SLC9A1: variants seen among roughly 807,000 people sequenced by gnomAD.
SLC9A1 encodes the protein solute carrier family 9 member A1, also known as sodium/hydrogen exchanger 1.
SLC9A1 carries 22 observed loss-of-function variants against 67.9 expected under a neutral mutation model. That is an observed-to-expected ratio of 0.32 (90% CI 0.23 to 0.46). The LOEUF is 0.46. SLC9A1 is among the 20% of genes least tolerant of loss of function. The probability of loss-of-function intolerance (pLI) is 1.00; values close to 1 mark genes in which losing one functional copy is unlikely to be tolerated. For missense variants in SLC9A1, 686 were observed against 1,094.8 expected, an observed-to-expected ratio of 0.63 and a Z score of 5.27; for synonymous variants, 421 against 471.8, an observed-to-expected ratio of 0.89 and a Z score of 1.40.
chr1:27,133,107 G>A (rs975193147), intron 1 of SLC9A1, among the ~76,000 whole-genome samples: 6 of 150,556 alleles, frequency 4.0e-5, no homozygotes, highest in African/African-American at 1.5e-4. Context: ...TCACTCTCTT[G>A]CCCAGGCTGG....
At chr1:27,132,685 A>C (rs1274009694) in intron 1 of SLC9A1, among the ~76,000 whole-genome samples, 1 of 152,154 alleles carries the variant, frequency 6.6e-6, no homozygotes, top group Non-Finnish European at 1.5e-5. Flanking sequence ...ACTTTTTCTC[A>C]TCACTGTTCA....
chr1:27,109,407 C>T lies in SLC9A1; in HGVS notation c.1064+120G>A. 9.1e-7 allele frequency: 1 copy of T among 1,101,462 alleles called. No homozygotes were observed. Among genetic ancestry groups the T allele is most frequent in the South Asian group, 1.4e-5 (1 of 72,348 alleles). The allele number at this position is 1,101,462 out of a possible 1,614,324, so 68.2% of individuals were successfully genotyped here. The stretch of plus-strand genomic sequence containing the variant: ...GGTCTGGAGCCTGGAGTTCATGTCT[C>T]ATCCCTGGAGCTCAAGGCTGGGCCC... On this transcript the variant is annotated intron_variant, in intron 3 of 11. Transcript: ENST00000263980. The surrounding 1 kb of genome is among the most constrained non-coding windows in gnomAD (Gnocchi z 5.5).
chr1:27,146,261 C>T (rs1405334024), intron 1 of SLC9A1, among the ~76,000 whole-genome samples: 1 of 152,162 alleles, frequency 6.6e-6, no homozygotes, highest in Admixed American at 6.5e-5. Flanking sequence ...CTGGCATTCC[C>T]AGAGACAGCC....
chr1:27,125,961 C>T (rs1278083390), intron 1 of SLC9A1, among the ~76,000 whole-genome samples: 1 of 152,098 alleles, frequency 6.6e-6, no homozygotes, highest in Admixed American at 6.5e-5. Flanking sequence ...CCGCGTCTTT[C>T]CACCACACCT....
intron 1 of SLC9A1, among the ~76,000 whole-genome samples, chr1:27,132,663 A>G (rs572234312): frequency 6.6e-6 from 1 of 152,282 alleles, no homozygotes; most frequent in Non-Finnish European, 1.5e-5. Flanking sequence ...TGCCTCCTAC[A>G]ATTAGAGCAG....
At chr1:27,150,923 G>A (rs1010400767) in intron 1 of SLC9A1, among the ~76,000 whole-genome samples, 4 of 152,112 alleles carry the variant, frequency 2.6e-5, no homozygotes, top group Non-Finnish European at 4.4e-5. Context: ...GGGCTCCAAC[G>A]GAACTCCTAC....
intron 7 of SLC9A1, 27 bp from the exon 8 acceptor site, chr1:27,102,585 G>A (rs995911864): frequency 2.5e-6 from 4 of 1,609,226 alleles, no homozygotes; most frequent in South Asian, 1.1e-5. Flanking sequence ...GGAGACGGAT[G>A]GCGCCAGCTT....
chr1:27,148,944 C>T (rs2083507088), intron 1 of SLC9A1, among the ~76,000 whole-genome samples: 1 of 152,222 alleles, frequency 6.6e-6, no homozygotes, highest in Admixed American at 6.5e-5. Flanking sequence ...AGGGAAGAAG[C>T]AAGCTCTGGT....
At chr1:27,147,299 C>CAAAAAAAAAAAAAAAAAAAAAAAA (rs57583944) in intron 1 of SLC9A1, among the ~76,000 whole-genome samples, 1 of 43,958 alleles carries the variant, frequency 2.3e-5, no homozygotes, top group Non-Finnish European at 4.0e-5. Context: ...GACTCTGTCT[C>CAAAAAAAAAAAAAAAAAAAAAAAA]AAAAAAAAAA....
rs112653958 is a variant in SLC9A1, at chr1:27,116,972, C to T, written c.353-2686G>A. 1.4e-4 allele frequency among the ~76,000 whole-genome samples: 21 copies of T among 152,296 alleles called. 4 individuals carry two copies. The highest frequency in any genetic ancestry group is 5.1e-4 in the African/African-American group (21 of 41,554). On this transcript the variant is annotated intron_variant, in intron 1 of 11. Coordinates refer to ENST00000263980, the MANE Select transcript of SLC9A1 (RefSeq NM_003047.5). ...CTGACACCATATCCTCTGCCTGCCT[C>T]CTCCTTCAGGAAGCATTCCCTGACC...
intron 1 of SLC9A1, 64 bp downstream of exon 1, chr1:27,153,919 C>T: frequency 1.8e-6 from 2 of 1,101,826 alleles, no homozygotes; most frequent in Non-Finnish European, 2.6e-6. Flanking sequence ...TCAAATGGTG[C>T]GAGATGAGGC....
intron 1 of SLC9A1, among the ~76,000 whole-genome samples, chr1:27,148,638 A>G (rs1370415099): frequency 6.6e-6 from 1 of 152,198 alleles, no homozygotes; most frequent in Non-Finnish European, 1.5e-5. Flanking sequence ...ACCACATGCT[A>G]TTCTAACCCA....
At chr1:27,126,907 T>C (rs1453435379) in intron 1 of SLC9A1, among the ~76,000 whole-genome samples, 4 of 151,838 alleles carry the variant, frequency 2.6e-5, no homozygotes, top group Non-Finnish European at 5.9e-5. Flanking sequence ...AGGGTGAGAG[T>C]TAGGCACCAA....
At chr1:27,127,059 G>C (rs1254305867) in intron 1 of SLC9A1, among the ~76,000 whole-genome samples, 1 of 152,140 alleles carries the variant, frequency 6.6e-6, no homozygotes, top group African/African-American at 2.4e-5. Flanking sequence ...GGAGTGCAGT[G>C]GTACGAACAT....
chr1:27,141,068 C>T (rs1289734084), intron 1 of SLC9A1, among the ~76,000 whole-genome samples: 12 of 152,120 alleles, frequency 7.9e-5, no homozygotes, highest in African/African-American at 2.4e-4. Context: ...ATTAGCCAGG[C>T]GTGGTGGCAC....
rs1304348977 is a variant in SLC9A1 at position 27,101,280 on chromosome 1, C to CA, written c.2038-6dup. Reference sequence around the variant, plus strand: ...CACCGTCAGGTAGTTGTTGATCTGACAGAGAGGACAGACGGGGTGAGCACA... The same window carrying CA: ...CACCGTCAGGTAGTTGTTGATCTGACAAGAGAGGACAGACGGGGTGAGCACA... On this transcript the variant is annotated splice_region_variant and splice_polypyrimidine_tract_variant and intron_variant, in intron 10 of 11. Transcript: ENST00000263980. This position sits in a 1 kb window ranked among gnomAD's most constrained non-coding sequence, Gnocchi z 4.9. 1 of 1,611,206 alleles carries CA rather than the reference C, an allele frequency of 6.2e-7. No individual in the cohort carries two copies. Among genetic ancestry groups the CA allele is most frequent in the Non-Finnish European group, 8.5e-7 (1 of 1,179,416 alleles).
Position 27,107,766 on chromosome 1 carries a change from G to A in SLC9A1, c.1164C>T (p.Ser388=), listed in dbSNP as rs201756691. ...AGATGAAGATGAGGGTCTCGCTGACGCTGCTCCACATCTTCAGGAAGTATT... is the reference window on the plus strand; with the variant it reads ...AGATGAAGATGAGGGTCTCGCTGACACTGCTCCACATCTTCAGGAAGTATT... ...TIKYFLKMWS[S]VSETLIFIFL... Residue 388 remains serine (S), a synonymous_variant, in exon 4 of 12, where the codon AGC becomes AGT. Coordinates refer to ENST00000263980, the MANE Select transcript of SLC9A1 (RefSeq NM_003047.5). The A allele has an allele frequency of 3.4e-5, 54 of 1,604,152 alleles. 1 individual carries two copies. In the Middle Eastern group the frequency reaches 4.9e-4, roughly 15 times the overall value.
chr1:27,129,309 T>C (rs944591919), intron 1 of SLC9A1, among the ~76,000 whole-genome samples: 1 of 152,170 alleles, frequency 6.6e-6, no homozygotes, highest in Non-Finnish European at 1.5e-5. Flanking sequence ...AGACAGGGCA[T>C]GCTTGGAGGG....
intron 1 of SLC9A1, among the ~76,000 whole-genome samples, chr1:27,131,621 G>A (rs1001340404): frequency 2.6e-5 from 4 of 151,288 alleles, no homozygotes; most frequent in South Asian, 2.1e-4. Context: ...GGTGGCGCGC[G>A]CCTGTAGTCC....
Sources: allele counts gnomAD v4.1 joint callset (sites outside exome capture counted in the v4.1 genomes callset), GRCh38; gene constraint gnomAD v4.1.1; non-coding constraint Gnocchi (gnomAD v3.1); transcripts MANE v1.5; gene names NCBI Gene and HGNC (gene_info 2026-07-23, HGNC 2026-07-21).